Variants in SEH1L observed in about 807,000 individuals in gnomAD.
SEH1L encodes the protein SEH1 like nucleoporin, also known as nucleoporin SEH1.
Under a neutral mutation model 49.5 loss-of-function variants are expected in SEH1L, and 18 were observed. The ratio of observed to expected loss-of-function variants is 0.36; its 90% CI spans 0.25 to 0.54. SEH1L has a LOEUF of 0.54. Among genes scored for constraint, SEH1L ranks in the 20% least tolerant of loss-of-function variants. The pLI, the probability that SEH1L is intolerant of heterozygous loss-of-function variation, is 0.87. For missense variants in SEH1L, 404 were observed against 528.8 expected (o/e 0.76, Z 2.31); for synonymous variants, 169 against 178.1 (o/e 0.95, Z 0.41).
chr18:12,954,822 A>G (rs1164544347), intron 2 of SEH1L, among the ~76,000 whole-genome samples: 1 of 152,220 alleles, frequency 6.6e-6, no homozygotes, highest in Non-Finnish European at 1.5e-5. Context: ...ACATATCATA[A>G]TGTGCACCCA....
At chr18:12,976,997 T>G (rs982747987) in intron 5 of SEH1L, 3 of 152,036 alleles carry the variant, frequency 2.0e-5, no homozygotes, top group African/African-American at 7.3e-5. Flanking sequence ...AAAAGCATAT[T>G]CTGATTGTGT....
intron 3 of SEH1L, among the ~76,000 whole-genome samples, chr18:12,957,861 C>T (rs2030967743): frequency 6.6e-6 from 1 of 151,998 alleles, no homozygotes; most frequent in South Asian, 2.1e-4. Context: ...GGATCACAGG[C>T]ATGCACCACA....
In SEH1L at chr18:12,948,064, C is replaced by T; in HGVS notation, c.-58C>T. ...AGGTCTGGCTAGGCTACGGGCCACGCGCCGCCGCCGCTGCCGCCGCCACTG... is the reference window on the plus strand; with the variant it reads ...AGGTCTGGCTAGGCTACGGGCCACGTGCCGCCGCCGCTGCCGCCGCCACTG... On this transcript the variant is annotated 5_prime_UTR_variant, in exon 1 of 9. Transcript: ENST00000399892. 3 of 1,364,640 alleles carry T rather than the reference C, an allele frequency of 2.2e-6. No individual in the cohort carries two copies. The highest frequency in any genetic ancestry group is 1.2e-5 in the South Asian group (1 of 82,572). The allele number at this position is 1,364,640 out of a possible 1,614,324, so 84.5% of individuals were successfully genotyped here.
rs1040060248 is a variant in SEH1L, at chr18:12,948,031, G to C, written c.-91G>C. 2 of 901,274 alleles carry C rather than the reference G, an allele frequency of 2.2e-6. No homozygotes were observed. Among genetic ancestry groups the C allele is most frequent in the African/African-American group, 1.7e-5 (1 of 58,722 alleles). The allele number at this position is 901,274 out of a possible 1,614,324, so 55.8% of individuals were successfully genotyped here. A position where few individuals can be genotyped will look rare whatever the true frequency, so the allele number is the denominator to read the frequency against. ...TGGGCAGCACAAGCCGTGCGCTCCC[G>C]GGCTGCGAGGTCTGGCTAGGCTACG... On this transcript the variant is annotated 5_prime_UTR_variant, in exon 1 of 9. Coordinates refer to ENST00000399892, the MANE Select transcript of SEH1L (RefSeq NM_001013437.2).
chr18:12,980,451 G>A (rs1598978039), intron 6 of SEH1L, among the ~76,000 whole-genome samples: 2 of 63,048 alleles, frequency 3.2e-5, no homozygotes, highest in African/African-American at 8.2e-5. Context: ...CGGACGGGGC[G>A]GCTGGCCGGG....
Position 12,984,180 on chromosome 18 carries a change from TCTG to T in SEH1L, c.1064_1066del (p.Ala355del), listed in dbSNP as rs768485375. On this transcript the variant is annotated inframe_deletion, in exon 8 of 9. Transcript: ENST00000399892. ...TCTTCAGAATTCATTAAATGGATCTTCTGCTGGCAGGTAGGCTGCTTCATGGGA... is the reference window on the plus strand; with the variant it reads ...TCTTCAGAATTCATTAAATGGATCTTCTGGCAGGTAGGCTGCTTCATGGGA... 1.5e-5 allele frequency: 24 copies of T among 1,613,548 alleles called. No individual in the cohort carries two copies. In the East Asian group the frequency reaches 2.5e-4, roughly 16 times the overall value.
chr18:12,948,298 G>A, intron 1 of SEH1L, 66 bp downstream of exon 1: 6 of 1,153,618 alleles, frequency 5.2e-6, no homozygotes, highest in South Asian at 5.0e-5. Context: ...TGGGCGGCGC[G>A]GGGAACGGGG....
intron 5 of SEH1L, chr18:12,972,499 G>A (rs116101985): frequency 6.6e-5 from 10 of 152,338 alleles, no homozygotes; most frequent in African/African-American, 2.4e-4. Context: ...TACAGGAGAA[G>A]AGAGCACTTG....
intron 2 of SEH1L, among the ~76,000 whole-genome samples, chr18:12,953,172 G>T (rs1000020009): frequency 3.3e-5 from 5 of 152,078 alleles, no homozygotes; most frequent in Non-Finnish European, 1.5e-5. Flanking sequence ...ATGTTTTGAG[G>T]TTCATCCATA....
intron 2 of SEH1L, 57 bp downstream of exon 2, chr18:12,951,962 T>C: frequency 1.1e-6 from 1 of 936,132 alleles, no homozygotes; most frequent in Non-Finnish European, 1.6e-6. Flanking sequence ...GTTTATTTTA[T>C]AGTTATCTAT....
intron 3 of SEH1L, among the ~76,000 whole-genome samples, chr18:12,958,825 A>G (rs2031030839): frequency 6.6e-6 from 1 of 152,192 alleles, no homozygotes; most frequent in Non-Finnish European, 1.5e-5. Flanking sequence ...GTACAGATAA[A>G]TGTTTGAGAC....
At chr18:12,971,282 C>A in intron 5 of SEH1L, 31 bp downstream of exon 5, 1 of 1,312,892 alleles carries the variant, frequency 7.6e-7, no homozygotes, top group South Asian at 1.2e-5. Flanking sequence ...AATAATTGTT[C>A]AGAATTGCAT....
intron 5 of SEH1L, chr18:12,975,770 A>C: frequency 1.0e-6 from 1 of 987,192 alleles, no homozygotes; most frequent in Non-Finnish European, 1.2e-6. Context: ...TGGGAGCAGG[A>C]ACTCAGGGAT....
At chr18:12,980,719 A>T (rs1230963486) in intron 6 of SEH1L, among the ~76,000 whole-genome samples, 3 of 71,368 alleles carry the variant, frequency 4.2e-5, no homozygotes, top group Non-Finnish European at 5.5e-5. Context: ...TCCCTCCCGG[A>T]CGGGGCGGCT....
intron 5 of SEH1L, chr18:12,972,350 G>C (rs1460337650): frequency 6.6e-6 from 1 of 152,202 alleles, no homozygotes; most frequent in Non-Finnish European, 1.5e-5. Flanking sequence ...CTTGAGATAA[G>C]GAACTCTGGG....
intron 5 of SEH1L, among the ~76,000 whole-genome samples, chr18:12,974,903 T>A (rs2031852794): frequency 6.6e-6 from 1 of 152,226 alleles, no homozygotes; most frequent in Non-Finnish European, 1.5e-5. Context: ...TCTTTTTTGT[T>A]CATTCTCTTT....
At chr18:12,966,094 G>GTTT (rs35889009) in intron 4 of SEH1L, among the ~76,000 whole-genome samples, 1 of 136,576 alleles carries the variant, frequency 7.3e-6, no homozygotes, top group Non-Finnish European at 1.6e-5. Context: ...TATTTTTATG[G>GTTT]TTTTTTTTTT....
intron 8 of SEH1L, 80 bp from the exon 9 acceptor site, chr18:12,986,782 C>A: frequency 2.5e-6 from 3 of 1,200,212 alleles, no homozygotes; most frequent in Non-Finnish European, 3.1e-6. Flanking sequence ...TTTGTATTTA[C>A]TACTTTTCTC....
At chr18:12,955,872 T>A (rs1283988968) in intron 3 of SEH1L, among the ~76,000 whole-genome samples, 1 of 152,258 alleles carries the variant, frequency 6.6e-6, no homozygotes, top group East Asian at 1.9e-4. Context: ...ATTTTACCTA[T>A]TAGTATATTT....
Sources: allele counts gnomAD v4.1 joint callset (sites outside exome capture counted in the v4.1 genomes callset), GRCh38; gene constraint gnomAD v4.1.1; transcripts MANE v1.5; gene names NCBI Gene and HGNC (gene_info 2026-07-23, HGNC 2026-07-21).